The following DGKZ variants were observed in gnomAD, a reference collection of about 807,000 sequenced individuals.
DGKZ encodes DAG kinase zeta.
Under a neutral mutation model 142.5 loss-of-function variants are expected in DGKZ, and 45 were observed. That is an observed-to-expected ratio of 0.32 (90% CI 0.25 to 0.40). The LOEUF (loss-of-function observed/expected upper bound fraction) is 0.40, where lower values mean the gene tolerates loss of function less well. Among genes scored for constraint, DGKZ ranks in the 10% least tolerant of loss-of-function variants. The probability of loss-of-function intolerance (pLI) is 1.00; values close to 1 mark genes in which losing one functional copy is unlikely to be tolerated. For missense variants in DGKZ, 755 were observed against 1,306.5 expected (o/e 0.58, Z 6.51); for synonymous variants, 442 against 527.0 (o/e 0.84, Z 2.21).
intron 4 of DGKZ, 61 bp downstream of exon 4, chr11:46,368,140 C>T (rs745989225): frequency 4.7e-5 from 73 of 1,542,478 alleles, no homozygotes; most frequent in Admixed American, 2.7e-4. Context: ...CCTTTCAGCG[C>T]GCACTCACAC....
intron 1 of DGKZ, among the ~76,000 whole-genome samples, chr11:46,351,445 G>T (rs1337812107): frequency 6.6e-6 from 1 of 152,240 alleles, no homozygotes; most frequent in Non-Finnish European, 1.5e-5. Flanking sequence ...GCCCCAGCGA[G>T]CATGGCCCTG....
chr11:46,345,356 T>G, upstream of DGKZ: 31 of 878,694 alleles, frequency 3.5e-5, no homozygotes, highest in East Asian at 2.5e-4. This position sits in a 1 kb window ranked among gnomAD's most constrained non-coding sequence, Gnocchi z 4.1. Context: ...GGCCCCCCCC[T>G]CGACCCCACC....
intron 5 of DGKZ, 45 bp from the exon 6 acceptor site, chr11:46,369,896 C>G: frequency 6.2e-7 from 1 of 1,604,600 alleles, no homozygotes; most frequent in Non-Finnish European, 8.5e-7. Flanking sequence ...GGACTGTGCC[C>G]CTGCCCACCC....
intron 1 of DGKZ, among the ~76,000 whole-genome samples, chr11:46,350,582 G>C (rs924286680): frequency 6.6e-6 from 1 of 151,594 alleles, no homozygotes; most frequent in Non-Finnish European, 1.5e-5. Flanking sequence ...AACTAGGTTG[G>C]CAGTGGCTGC....
At chr11:46,335,057 T>C (rs1292643706) in intron 1 of DGKZ, among the ~76,000 whole-genome samples, 1 of 152,140 alleles carries the variant, frequency 6.6e-6, no homozygotes, top group East Asian at 1.9e-4. Flanking sequence ...CTCACACCTG[T>C]AATTCCAGCA....
At chr11:46,345,211 G>A (rs968632167), upstream of DGKZ, 2 of 1,288,720 alleles carry the variant, frequency 1.6e-6, no homozygotes, top group Non-Finnish European at 2.0e-6. This position sits in a 1 kb window ranked among gnomAD's most constrained non-coding sequence, Gnocchi z 4.1. Flanking sequence ...CCTCCTGGCT[G>A]CTGGTCTGGG....
At chr11:46,342,467 C>T (rs1318177174), upstream of DGKZ, among the ~76,000 whole-genome samples, 1 of 152,222 alleles carries the variant, frequency 6.6e-6, no homozygotes, top group African/African-American at 2.4e-5. Flanking sequence ...AGCCCAGCCC[C>T]ATTTCCTCTG....
chr11:46,379,843 C>T (rs759458475), exon 31 of DGKZ: 5 of 1,610,068 alleles, frequency 3.1e-6, no homozygotes, highest in South Asian at 1.1e-5. Context: ...CGACACTCCC[C>T]GGCAGCGGGC....
intron 1 of DGKZ, among the ~76,000 whole-genome samples, chr11:46,348,721 G>C (rs140776372): frequency 6.6e-6 from 1 of 152,310 alleles, no homozygotes; most frequent in African/African-American, 2.4e-5. Flanking sequence ...TCTTGGTCGT[G>C]AGCCGCTGCC....
Position 46,372,524 on chromosome 11 carries a change from A to C in DGKZ, c.1010+14A>C. The C allele has an allele frequency of 1.9e-6, 3 of 1,613,990 alleles. No homozygotes were observed. The highest frequency in any genetic ancestry group is 2.5e-6 in the Non-Finnish European group (3 of 1,179,986). Reference sequence around the variant, plus strand: ...GCCCAAGGAGGCGTAAGTACTTGCCAAGGTTTTGTGGGGGACATGGGGGGG... The same window carrying C: ...GCCCAAGGAGGCGTAAGTACTTGCCCAGGTTTTGTGGGGGACATGGGGGGG... On this transcript the variant is annotated intron_variant, in intron 11 of 30. Coordinates refer to ENST00000527911, the Ensembl canonical transcript of DGKZ. The surrounding 1 kb of genome is among the most constrained non-coding windows in gnomAD (Gnocchi z 5.9).
At chr11:46,379,711 G>C in intron 30 of DGKZ, 120 bp from the exon 31 acceptor site, 2 of 1,279,690 alleles carry the variant, frequency 1.6e-6, no homozygotes, top group Non-Finnish European at 2.1e-6. Flanking sequence ...GGAGGAGCTG[G>C]TGGGCAGAGA....
chr11:46,334,643 G>A (rs938088764), intron 1 of DGKZ, among the ~76,000 whole-genome samples: 1 of 152,158 alleles, frequency 6.6e-6, no homozygotes, highest in Admixed American at 6.5e-5. Flanking sequence ...ATGGGAAGCA[G>A]GCCAGGTTCC....
In DGKZ at chr11:46,371,587, G is replaced by A. The variant is rs149145542; in HGVS notation, c.743G>A (p.Arg248His). 75 of 1,610,400 alleles carry A rather than the reference G, an allele frequency of 4.7e-5. No individual in the cohort carries two copies. In the African/African-American group the frequency reaches 6.7e-4, roughly 14 times the overall value. ...GTCATCCCGCCCACCTGGATCCTCC[G>A]CGCCCGGAGGCCCCAGGTGAGTACT... The change falls in exon 8 of 31, where the codon CGC becomes CAC. Residue 248 changes from arginine to histidine, a missense_variant. By Grantham distance (29) the Arg-to-His change is conservative. Around this residue, in one of 8 missense-constraint regions of DGKZ, gnomAD observed 142 missense variants for 244.4 expected, o/e 0.58. Transcript: ENST00000527911.
chr11:46,347,398 G>A, upstream of DGKZ: 3 of 983,648 alleles, frequency 3.0e-6, no homozygotes, highest in Non-Finnish European at 3.6e-6. The surrounding 1 kb of genome is among the most constrained non-coding windows in gnomAD (Gnocchi z 6.4). Flanking sequence ...GGCCGAGGGG[G>A]CGTGCTCGGC....
chr11:46,369,687 A>G (rs1943725346), intron 5 of DGKZ, 137 bp downstream of exon 5: 4 of 1,214,986 alleles, frequency 3.3e-6, no homozygotes, highest in Non-Finnish European at 4.8e-6. Context: ...GAGGTCTGCC[A>G]TGCGGAGGCC....
chr11:46,373,066 G>A (rs1944134326), exon 14 of DGKZ: 1 of 1,544,164 alleles, frequency 6.5e-7, no homozygotes, highest in South Asian at 1.2e-5. Flanking sequence ...CCCCGAGGCA[G>A]GGCCTGAGGA....
intron 1 of DGKZ, among the ~76,000 whole-genome samples, chr11:46,362,818 G>T (rs1457922656): frequency 6.6e-6 from 1 of 152,220 alleles, no homozygotes; most frequent in African/African-American, 2.4e-5. Context: ...AGCCACTGCA[G>T]CTCGGCCACC....
chr11:46,361,501 C>A, intron 1 of DGKZ: 1 of 414,060 alleles, frequency 2.4e-6, no homozygotes, highest in Non-Finnish European at 3.2e-6. Flanking sequence ...AGAGGAAGTG[C>A]GTTCAGTTAC....
intron 1 of DGKZ, among the ~76,000 whole-genome samples, chr11:46,357,269 G>A (rs1942135796): frequency 6.6e-6 from 1 of 151,088 alleles, no homozygotes; most frequent in Non-Finnish European, 1.5e-5. Context: ...CCCTTTCCTT[G>A]CCCACCACCC....
Sources: allele counts gnomAD v4.1 joint callset (sites outside exome capture counted in the v4.1 genomes callset), GRCh38; gene constraint gnomAD v4.1.1; regional missense constraint gnomAD v4.1.1; non-coding constraint Gnocchi (gnomAD v3.1); transcripts MANE v1.5; gene names NCBI Gene and HGNC (gene_info 2026-07-23, HGNC 2026-07-21).